The following CDH13 variants were observed in gnomAD, a reference collection of about 807,000 sequenced individuals.
The protein encoded by CDH13 is cadherin-13.
In CDH13, 24 loss-of-function variants were observed where a neutral mutation model predicts 63.8. The observed-to-expected ratio is 0.38, with a 90% CI of 0.27 to 0.53. The LOEUF is 0.53. Ranked by LOEUF, CDH13 falls within the 20% of genes least tolerant of loss-of-function variation. CDH13 has a pLI of 0.85. For synonymous variants in CDH13, 503 were observed against 355.3 expected, an observed-to-expected ratio of 1.42 and a Z score of -4.67; for missense variants, 1,049 against 903.1, an observed-to-expected ratio of 1.16 and a Z score of -2.07.
At position 83,620,560 on chromosome 16, in the gene CDH13, C is replaced by T. The variant is rs116803690; in HGVS notation, c.1101+17966C>T. On this transcript the variant is annotated intron_variant, in intron 8 of 13. Coordinates refer to ENST00000567109, the MANE Select transcript of CDH13 (RefSeq NM_001257.5). Reference sequence around the variant, plus strand: ...ATGTCCTTCACCCAAGTGGGAATAACGCCAACCACAGGCAGCCAACATGAG... The same window carrying T: ...ATGTCCTTCACCCAAGTGGGAATAATGCCAACCACAGGCAGCCAACATGAG... Among the ~76,000 whole-genome samples the T allele has an allele frequency of 5.5e-3, 835 of 152,234 alleles. 10 individuals carry two copies. The highest frequency in any genetic ancestry group is 0.019 in the African/African-American group (783 of 41,542).
intron 6 of CDH13, among the ~76,000 whole-genome samples, chr16:83,447,476 T>C (rs964622715): frequency 2.0e-5 from 3 of 152,044 alleles, no homozygotes; most frequent in Admixed American, 6.6e-5. Flanking sequence ...GGATCAGGAC[T>C]GTGGAAAGCC....
chr16:83,565,273 C>T (rs1260414566), intron 7 of CDH13, among the ~76,000 whole-genome samples: 1 of 152,136 alleles, frequency 6.6e-6, no homozygotes, highest in Middle Eastern at 3.4e-3. Context: ...GGATGCCATC[C>T]GAAAGAGTTC....
intron 8 of CDH13, among the ~76,000 whole-genome samples, chr16:83,655,572 G>A (rs1912795964): frequency 6.6e-6 from 1 of 152,184 alleles, no homozygotes; most frequent in South Asian, 2.1e-4. Flanking sequence ...TGTGAATGAG[G>A]GAGAAAAGGC....
chr16:83,038,122 A>C (rs1350504323), intron 3 of CDH13, among the ~76,000 whole-genome samples: 7 of 152,210 alleles, frequency 4.6e-5, no homozygotes, highest in Admixed American at 3.9e-4. Flanking sequence ...ACACTTGCTC[A>C]TTTCATGTCA....
intron 10 of CDH13, among the ~76,000 whole-genome samples, chr16:83,739,416 C>T (rs2150961102): frequency 6.6e-6 from 1 of 152,280 alleles, no homozygotes; most frequent in Non-Finnish European, 1.5e-5. Flanking sequence ...CAGGATGTTG[C>T]CCCATGTGCC....
intron 6 of CDH13, among the ~76,000 whole-genome samples, chr16:83,476,087 A>T (rs966967661): frequency 2.0e-5 from 3 of 152,224 alleles, no homozygotes; most frequent in Non-Finnish European, 4.4e-5. Flanking sequence ...ATAAAAACTC[A>T]TCTTTTATTT....
chr16:82,688,177 G>C (rs1247189856), intron 1 of CDH13, among the ~76,000 whole-genome samples: 1 of 152,158 alleles, frequency 6.6e-6, no homozygotes. Flanking sequence ...AAGTGAACCA[G>C]CCAAGAGATC....
At chr16:83,519,406 A>T (rs2074776712) in intron 7 of CDH13, among the ~76,000 whole-genome samples, 1 of 152,266 alleles carries the variant, frequency 6.6e-6, no homozygotes, top group Non-Finnish European at 1.5e-5. Context: ...AGGGACAAAG[A>T]AAGAACTAAT....
chr16:83,395,207 G>A (rs1359958091), intron 6 of CDH13, among the ~76,000 whole-genome samples: 9 of 151,034 alleles, frequency 6.0e-5, no homozygotes. Flanking sequence ...CCAGCTACTT[G>A]GGAGGCTGAG....
At chr16:82,763,096 C>A (rs1428180409) in intron 1 of CDH13, among the ~76,000 whole-genome samples, 2 of 152,172 alleles carry the variant, frequency 1.3e-5, no homozygotes, top group Non-Finnish European at 2.9e-5. Flanking sequence ...AGCCCCAGAA[C>A]ACCCCAGGCG....
intron 1 of CDH13, among the ~76,000 whole-genome samples, chr16:82,854,788 C>G (rs2039624105): frequency 6.6e-6 from 1 of 152,200 alleles, no homozygotes; most frequent in Non-Finnish European, 1.5e-5. Context: ...ATTTTCCTTT[C>G]CAGTTAAATT....
At chr16:82,813,073 C>T (rs2037525231) in intron 1 of CDH13, among the ~76,000 whole-genome samples, 1 of 152,264 alleles carries the variant, frequency 6.6e-6, no homozygotes, top group South Asian at 2.1e-4. Flanking sequence ...TATTGCCCCC[C>T]ATCTTAGAGA....
intron 1 of CDH13, among the ~76,000 whole-genome samples, chr16:82,639,837 A>T (rs1441603617): frequency 2.0e-5 from 3 of 152,206 alleles, no homozygotes; most frequent in African/African-American, 4.8e-5. Flanking sequence ...TTGCCCTCCA[A>T]TCCTGTTCTG....
intron 4 of CDH13, among the ~76,000 whole-genome samples, chr16:83,207,599 C>T (rs1375428438): frequency 6.6e-6 from 1 of 152,046 alleles, no homozygotes; most frequent in African/African-American, 2.4e-5. Flanking sequence ...TTATTCTTTC[C>T]GTGTGTCTAT....
intron 2 of CDH13, among the ~76,000 whole-genome samples, chr16:82,942,235 T>G (rs1904296798): frequency 6.6e-6 from 1 of 152,162 alleles, no homozygotes; most frequent in Non-Finnish European, 1.5e-5. Flanking sequence ...GGTCAAGATG[T>G]ATGATTTTTC....
intron 7 of CDH13, among the ~76,000 whole-genome samples, chr16:83,487,409 T>C (rs12925533): frequency 0.41 from 62,681 of 152,008 alleles, 13,268 homozygotes; most frequent in Middle Eastern, 0.54. Context: ...TGGTGTGAGG[T>C]GTGATGCTCC....
At chr16:83,609,895 C>T (rs1180183820) in intron 8 of CDH13, among the ~76,000 whole-genome samples, 1 of 152,042 alleles carries the variant, frequency 6.6e-6, no homozygotes, top group Non-Finnish European at 1.5e-5. Flanking sequence ...TTCCCCCACG[C>T]TGGCCACCAC....
intron 1 of CDH13, among the ~76,000 whole-genome samples, chr16:82,666,147 C>G (rs1409755582): frequency 6.6e-6 from 1 of 151,714 alleles, no homozygotes; most frequent in East Asian, 1.9e-4. Flanking sequence ...GTTTTTTTGC[C>G]AAAAAATATA....
At chr16:83,391,023 C>A (rs531185399) in intron 6 of CDH13, among the ~76,000 whole-genome samples, 1 of 152,274 alleles carries the variant, frequency 6.6e-6, no homozygotes, top group African/African-American at 2.4e-5. Flanking sequence ...ATACAAAGTA[C>A]AACGAACAGT....
Sources: allele counts gnomAD v4.1 joint callset (sites outside exome capture counted in the v4.1 genomes callset), GRCh38; gene constraint gnomAD v4.1.1; transcripts MANE v1.5; gene names NCBI Gene and HGNC (gene_info 2026-07-23, HGNC 2026-07-21).